The following MAP7D2 variants were observed in gnomAD, a reference collection of about 807,000 sequenced individuals.
The protein encoded by MAP7D2 is MAP7 domain-containing protein 2.
A neutral mutation model predicts 63.5 loss-of-function variants in MAP7D2; 33 were observed. The ratio of observed to expected loss-of-function variants is 0.52; its 90% CI spans 0.39 to 0.70. The LOEUF is 0.70. Among genes scored for constraint, MAP7D2 ranks in the 30% least tolerant of loss-of-function variants. MAP7D2 has a pLI of 0.00. For synonymous variants in MAP7D2, 224 were observed against 223.7 expected (o/e 1.00, Z -0.01); for missense variants, 626 against 604.0 (o/e 1.04, Z -0.38).
At chrX:20,100,743 C>T (rs189683536) in intron 1 of MAP7D2, among the ~76,000 whole-genome samples, 5 of 111,448 alleles carry the variant, frequency 4.5e-5, no homozygotes, top group East Asian at 5.6e-4. Flanking sequence ...AAAAGACAAC[C>T]GGGCGTGGTG....
At chrX:20,048,659 C>T (rs777273283) in intron 6 of MAP7D2, among the ~76,000 whole-genome samples, 1 of 110,550 alleles carries the variant, frequency 9.0e-6, no homozygotes, top group African/African-American at 3.3e-5. Context: ...GGCATGGTGG[C>T]TCATACCTGT....
intron 8 of MAP7D2, among the ~76,000 whole-genome samples, chrX:20,041,433 G>T (rs1462537957): frequency 8.9e-6 from 1 of 111,786 alleles, no homozygotes; most frequent in Non-Finnish European, 1.9e-5. Context: ...TCAATGGCAG[G>T]TATTAGTAGT....
At chrX:20,082,482 T>A (rs1476737775) in intron 1 of MAP7D2, among the ~76,000 whole-genome samples, 1 of 112,187 alleles carries the variant, frequency 8.9e-6, no homozygotes, top group African/African-American at 3.2e-5. Context: ...CTGAAAAACA[T>A]GCCCAGCAGA....
intron 8 of MAP7D2, among the ~76,000 whole-genome samples, chrX:20,031,469 T>C (rs936659937): frequency 3.7e-5 from 4 of 108,929 alleles, no homozygotes; most frequent in Non-Finnish European, 7.7e-5. Context: ...AAAAATGATA[T>C]AAAAAATCTT....
At chrX:20,015,475 C>T (rs2073354079) in intron 11 of MAP7D2, 148 bp from the exon 12 acceptor site, 1 of 480,843 alleles carries the variant, frequency 2.1e-6, no homozygotes, top group Non-Finnish European at 3.6e-6. Context: ...ATACAAACCA[C>T]TGCATGACAC....
At chrX:20,069,780 T>A in intron 1 of MAP7D2, among the ~76,000 whole-genome samples, 1 of 106,535 alleles carries the variant, frequency 9.4e-6, no homozygotes, top group Admixed American at 1.0e-4. Context: ...TGTAATTTTT[T>A]TTTTTTTTTT....
chrX:20,046,613 G>C (rs918202844), intron 6 of MAP7D2, among the ~76,000 whole-genome samples: 21 of 112,619 alleles, frequency 1.9e-4, no homozygotes, highest in African/African-American at 6.8e-4. Flanking sequence ...GAAAGGGATT[G>C]ATCTTTTCTA....
In MAP7D2 at chrX:20,010,919, G is replaced by T; in HGVS notation, c.2206C>A (p.Pro736Thr). The T allele has an allele frequency of 8.3e-7, 1 of 1,211,199 alleles. No individual in the cohort carries two copies. Among genetic ancestry groups the T allele is most frequent in the Non-Finnish European group, 1.1e-6 (1 of 895,383 alleles). Residue 736 changes from proline (P) to threonine (T), a missense_variant, in exon 16 of 17, where the codon CCC becomes ACC. Coordinates refer to ENST00000379643, the MANE Select transcript of MAP7D2 (RefSeq NM_001168465.2). ...ALQDLLDFTG[P>T]PTFPKRSSEN... ...CTGGATCTCTTGGGGAATGTCGGGGGACCAGTGAAATCTAAGAGATCTTGA... is the reference window on the plus strand; with the variant it reads ...CTGGATCTCTTGGGGAATGTCGGGGTACCAGTGAAATCTAAGAGATCTTGA...
rs34768588 is a variant in MAP7D2, at chrX:20,070,261, C to CTTATTTAT, written c.131-5464_131-5457dup. On this transcript the variant is annotated intron_variant, in intron 1 of 16. Coordinates refer to ENST00000379643, the MANE Select transcript of MAP7D2 (RefSeq NM_001168465.2). ...CGCGCCTGGCCTCGGCAATTTTTTTCTTATTTATTTATTTATTTATTTATT... is the reference window on the plus strand; with the variant it reads ...CGCGCCTGGCCTCGGCAATTTTTTTCTTATTTATTTATTTATTTATTTATTTATTTATT... Among the ~76,000 whole-genome samples, 404 of 103,020 alleles carry CTTATTTAT rather than the reference C, an allele frequency of 3.9e-3. 3 individuals carry two copies. The highest frequency in any genetic ancestry group is 8.2e-3 in the East Asian group (27 of 3,284). The allele number at this position is 103,020 out of a possible 115,157, so 89.5% of individuals were successfully genotyped here. A position where few individuals can be genotyped will look rare whatever the true frequency, so the allele number is the denominator to read the frequency against.
chrX:20,076,431 C>T (rs921523125), intron 1 of MAP7D2, among the ~76,000 whole-genome samples: 2 of 111,798 alleles, frequency 1.8e-5, no homozygotes, highest in African/African-American at 6.5e-5. Context: ...ACAGGCCGGG[C>T]GCAGTGGCTC....
chrX:20,077,983 A>G (rs1045103792), intron 1 of MAP7D2, among the ~76,000 whole-genome samples: 9 of 111,956 alleles, frequency 8.0e-5, no homozygotes, highest in Non-Finnish European at 1.7e-4. Flanking sequence ...TTTCTTATTT[A>G]AAAAGTACGT....
chrX:20,043,818 C>T (rs936084935), intron 7 of MAP7D2, among the ~76,000 whole-genome samples: 1 of 112,032 alleles, frequency 8.9e-6, no homozygotes, highest in Non-Finnish European at 1.9e-5. Flanking sequence ...ATTTAATTTA[C>T]TGATAGTGCC....
chrX:20,105,615 G>A (rs764602693), intron 1 of MAP7D2, among the ~76,000 whole-genome samples: 13 of 111,860 alleles, frequency 1.2e-4, no homozygotes, highest in African/African-American at 3.2e-4. Flanking sequence ...CTATTGGTCA[G>A]AATCAGCAAG....
At chrX:20,093,998 G>A (rs2066140802) in intron 1 of MAP7D2, among the ~76,000 whole-genome samples, 2 of 111,884 alleles carry the variant, frequency 1.8e-5, no homozygotes, top group South Asian at 7.4e-4. Context: ...ACTAAAGGAT[G>A]AGAACAAGTG....
At chrX:20,098,208 AC>A (rs998531838) in intron 1 of MAP7D2, among the ~76,000 whole-genome samples, 1 of 111,513 alleles carries the variant, frequency 9.0e-6, no homozygotes, top group Non-Finnish European at 1.9e-5. Flanking sequence ...CCTCCTGTCA[AC>A]CCCATGAAGT....
intron 8 of MAP7D2, among the ~76,000 whole-genome samples, chrX:20,041,119 G>A (rs1347041104): frequency 9.0e-6 from 1 of 111,636 alleles, no homozygotes; most frequent in African/African-American, 3.3e-5. Flanking sequence ...AGAGGGTGGA[G>A]CCTGTAAAAG....
chrX:20,107,911 T>C (rs2066615692), intron 1 of MAP7D2, among the ~76,000 whole-genome samples: 1 of 111,950 alleles, frequency 8.9e-6, no homozygotes, highest in South Asian at 3.7e-4. Context: ...GTACTAGTTG[T>C]AGTTTTAAAA....
chrX:20,030,758 C>T (rs895092667), intron 8 of MAP7D2, among the ~76,000 whole-genome samples: 5 of 111,782 alleles, frequency 4.5e-5, no homozygotes, highest in Non-Finnish European at 7.5e-5. Context: ...TAAGAAAGAG[C>T]AGCAGTTTTA....
chrX:20,081,398 C>T (rs1054259943), intron 1 of MAP7D2, among the ~76,000 whole-genome samples: 11 of 112,050 alleles, frequency 9.8e-5, no homozygotes, highest in Admixed American at 3.8e-4. Flanking sequence ...CCCATAAGGC[C>T]CCAGGTCCCT....
Sources: gnomAD v4.1 joint callset for allele counts (sites outside exome capture counted in the v4.1 genomes callset) on GRCh38, gnomAD v4.1.1 for gene constraint, MANE v1.5 for transcripts, NCBI Gene and HGNC (gene_info 2026-07-23, HGNC 2026-07-21) for gene names.